GRIA4: variants seen among roughly 807,000 people sequenced by gnomAD.
The protein encoded by GRIA4 is glutamate ionotropic receptor AMPA type subunit 4.
A neutral mutation model predicts 104.0 loss-of-function variants in GRIA4; 34 were observed. The observed-to-expected ratio is 0.33, with a 90% CI of 0.25 to 0.44. The LOEUF (loss-of-function observed/expected upper bound fraction) is 0.44, where lower values mean the gene tolerates loss of function less well. Among genes scored for constraint, GRIA4 ranks in the 20% least tolerant of loss-of-function variants. The pLI is 1.00. For missense variants in GRIA4, 750 were observed against 1,096.5 expected, an observed-to-expected ratio of 0.68 and a Z score of 4.46; for synonymous variants, 386 against 381.9, an observed-to-expected ratio of 1.01 and a Z score of -0.13.
intron 12 of GRIA4, among the ~76,000 whole-genome samples, chr11:105,925,364 C>T (rs1947676783): frequency 6.6e-6 from 1 of 152,102 alleles, no homozygotes. Flanking sequence ...TCATGGCTCC[C>T]TTCCTTTGGA....
At chr11:105,708,477 A>G (rs1023872498) in intron 3 of GRIA4, among the ~76,000 whole-genome samples, 4 of 152,128 alleles carry the variant, frequency 2.6e-5, no homozygotes, top group Admixed American at 1.3e-4. Flanking sequence ...GAACCTAACT[A>G]TATTACAAAT....
intron 3 of GRIA4, among the ~76,000 whole-genome samples, chr11:105,658,376 T>A (rs1331148214): frequency 2.6e-5 from 4 of 151,808 alleles, no homozygotes; most frequent in African/African-American, 9.7e-5. Flanking sequence ...AATTTCAGAA[T>A]AACAGGAACT....
chr11:105,782,931 A>T (rs1479232463), intron 4 of GRIA4, among the ~76,000 whole-genome samples: 3 of 152,210 alleles, frequency 2.0e-5, no homozygotes, highest in Non-Finnish European at 4.4e-5. Context: ...TGAGTGAAAT[A>T]TAAAATACAT....
intron 12 of GRIA4, 35 bp downstream of exon 12, chr11:105,924,804 T>C (rs1162550597): frequency 3.4e-6 from 5 of 1,453,542 alleles, no homozygotes; most frequent in Non-Finnish European, 4.7e-6. Flanking sequence ...TTCACTGATT[T>C]CCCAGTAATT....
rs754156987 is a variant in GRIA4 at position 105,688,162 on chromosome 11, C to CTA, written c.248-64817_248-64816dup. The stretch of plus-strand genomic sequence containing the variant: ...TCTATATCTATATCTATATCTCTAT[C>CTA]TATCTATCTATCTATCTATCTATCT... On this transcript the variant is annotated intron_variant, in intron 3 of 16. Transcript: ENST00000282499. 3.2e-3 allele frequency among the ~76,000 whole-genome samples: 440 copies of CTA among 136,734 alleles called. 1 individual carries two copies. The highest frequency in any genetic ancestry group is 0.012 in the African/African-American group (428 of 34,670). 89.7% of individuals were successfully genotyped at this position (136,734 alleles called of 152,430 possible).
intron 3 of GRIA4, among the ~76,000 whole-genome samples, chr11:105,691,935 CAAAAAAAA>C (rs202074069): frequency 1.3e-5 from 1 of 76,340 alleles, no homozygotes; most frequent in Admixed American, 1.6e-4. Flanking sequence ...AACTCCGTCT[CAAAAAAAA>C]AAAAAAAAAA....
intron 4 of GRIA4, among the ~76,000 whole-genome samples, chr11:105,835,213 A>G (rs1053673313): frequency 6.6e-6 from 1 of 152,030 alleles, no homozygotes; most frequent in Admixed American, 6.6e-5. Context: ...AATTAATTAT[A>G]TTGCCAACTT....
chr11:105,951,285 C>T (rs1361325474), intron 14 of GRIA4, among the ~76,000 whole-genome samples: 4 of 152,182 alleles, frequency 2.6e-5, no homozygotes, highest in Non-Finnish European at 5.9e-5. Flanking sequence ...AGACACAGTA[C>T]TGTTGAACAG....
At chr11:105,645,715 T>A (rs1951507360) in intron 3 of GRIA4, among the ~76,000 whole-genome samples, 2 of 152,044 alleles carry the variant, frequency 1.3e-5, no homozygotes, top group Admixed American at 6.6e-5. Flanking sequence ...TGGAAAAAAA[T>A]AGCACACAAT....
intron 4 of GRIA4, among the ~76,000 whole-genome samples, chr11:105,821,596 T>C (rs1400944060): frequency 6.6e-6 from 1 of 151,858 alleles, no homozygotes; most frequent in South Asian, 2.1e-4. Context: ...ATGTGAGAAC[T>C]CACTTATTTC....
intron 4 of GRIA4, among the ~76,000 whole-genome samples, chr11:105,804,520 T>C (rs1490455667): frequency 6.6e-6 from 1 of 151,906 alleles, no homozygotes; most frequent in East Asian, 1.9e-4. Context: ...TCTAGTTAAG[T>C]TGTATACTCC....
intron 11 of GRIA4, among the ~76,000 whole-genome samples, chr11:105,919,937 A>C (rs1474951067): frequency 6.6e-6 from 1 of 152,172 alleles, no homozygotes; most frequent in African/African-American, 2.4e-5. Context: ...AAAACAATAA[A>C]GATAGAAAGA....
chr11:105,876,806 G>A (rs1477134445), intron 5 of GRIA4, among the ~76,000 whole-genome samples: 1 of 151,980 alleles, frequency 6.6e-6, no homozygotes. Flanking sequence ...GCTTATATGT[G>A]TCTTTGCACA....
chr11:105,851,284 A>T (rs893792990), intron 4 of GRIA4, among the ~76,000 whole-genome samples: 1 of 152,150 alleles, frequency 6.6e-6, no homozygotes, highest in Non-Finnish European at 1.5e-5. Flanking sequence ...TGTGAAAAAA[A>T]TAGGGAAATC....
At chr11:105,671,488 C>T (rs1233729356) in intron 3 of GRIA4, among the ~76,000 whole-genome samples, 1 of 151,258 alleles carries the variant, frequency 6.6e-6, no homozygotes, top group Non-Finnish European at 1.5e-5. Flanking sequence ...ACTAGCCTGG[C>T]CAACATGGTG....
At chr11:105,827,583 C>A (rs1943818802) in intron 4 of GRIA4, among the ~76,000 whole-genome samples, 1 of 151,682 alleles carries the variant, frequency 6.6e-6, no homozygotes, top group African/African-American at 2.4e-5. Context: ...ATTCTGGTAC[C>A]ACCGTCATTC....
At chr11:105,708,890 T>C (rs1210078517) in intron 3 of GRIA4, among the ~76,000 whole-genome samples, 3 of 152,110 alleles carry the variant, frequency 2.0e-5, no homozygotes, top group Non-Finnish European at 4.4e-5. Context: ...TTTTAGATGT[T>C]GAAGTAAATG....
At chr11:105,959,939 G>A (rs148047277) in intron 14 of GRIA4, among the ~76,000 whole-genome samples, 238 of 152,320 alleles carry the variant, frequency 1.6e-3, no homozygotes, top group African/African-American at 5.5e-3. Flanking sequence ...TCCTGTGCAG[G>A]AAGATGTCAC....
intron 4 of GRIA4, among the ~76,000 whole-genome samples, chr11:105,803,844 CAAA>C (rs537440632): frequency 8.7e-5 from 7 of 80,520 alleles, no homozygotes; most frequent in Non-Finnish European, 8.6e-5. Context: ...GGTGCTATAC[CAAA>C]AAAAAAAAAA....
Sources: allele counts gnomAD v4.1 joint callset (sites outside exome capture counted in the v4.1 genomes callset), GRCh38; gene constraint gnomAD v4.1.1; transcripts MANE v1.5; gene names NCBI Gene and HGNC (gene_info 2026-07-23, HGNC 2026-07-21).